Variants in MEGF11 observed in about 807,000 individuals in gnomAD.
The protein encoded by MEGF11 is multiple epidermal growth factor-like domains protein 11.
A neutral mutation model predicts 146.6 loss-of-function variants in MEGF11; 126 were observed. The ratio of observed to expected loss-of-function variants is 0.86; its 90% CI spans 0.74 to 1.00. The LOEUF (loss-of-function observed/expected upper bound fraction) is 1.00, where lower values mean the gene tolerates loss of function less well. Ranked by LOEUF, MEGF11 falls within the 50% of genes least tolerant of loss-of-function variation. The pLI is 0.00. For synonymous variants in MEGF11, 532 were observed against 583.4 expected (o/e 0.91, Z 1.27); for missense variants, 1,509 against 1,521.2 (o/e 0.99, Z 0.13).
chr15:66,247,906 C>A (rs2092318281), intron 1 of MEGF11, among the ~76,000 whole-genome samples: 1 of 151,360 alleles, frequency 6.6e-6, no homozygotes, highest in Non-Finnish European at 1.5e-5. Flanking sequence ...CATGGTGGCG[C>A]GTGCCTGTAA....
At chr15:65,946,553 C>T (rs1226025524) in intron 10 of MEGF11, among the ~76,000 whole-genome samples, 4 of 152,116 alleles carry the variant, frequency 2.6e-5, no homozygotes, top group African/African-American at 9.7e-5. Flanking sequence ...CCACCATGCC[C>T]GGCTAATTTT....
intron 5 of MEGF11, among the ~76,000 whole-genome samples, chr15:66,004,755 G>T (rs2082470830): frequency 6.6e-6 from 1 of 152,160 alleles, no homozygotes; most frequent in Non-Finnish European, 1.5e-5. Context: ...GTGGGTGAAG[G>T]TTGGACTCTG....
intron 1 of MEGF11, among the ~76,000 whole-genome samples, chr15:66,201,026 T>C (rs1159785976): frequency 6.6e-6 from 1 of 151,914 alleles, no homozygotes; most frequent in Non-Finnish European, 1.5e-5. Flanking sequence ...ATTCAGAAGG[T>C]AGGGTGGCGA....
intron 1 of MEGF11, among the ~76,000 whole-genome samples, chr15:66,182,893 C>G (rs1173838905): frequency 6.6e-6 from 1 of 152,136 alleles, no homozygotes; most frequent in African/African-American, 2.4e-5. Context: ...TGGAGAGAAG[C>G]TGGAAACATC....
intron 5 of MEGF11, among the ~76,000 whole-genome samples, chr15:66,037,113 C>T (rs879549737): frequency 1.3e-5 from 2 of 152,208 alleles, no homozygotes; most frequent in African/African-American, 2.4e-5. Context: ...GTGGCAGCTC[C>T]GAGTGCTTGT....
chr15:66,145,444 C>T (rs764714522), intron 1 of MEGF11, among the ~76,000 whole-genome samples: 24 of 152,070 alleles, frequency 1.6e-4, no homozygotes, highest in Non-Finnish European at 2.8e-4. Context: ...GCCAGCAGCT[C>T]GGACATTAAT....
At position 66,057,769 on chromosome 15, in the gene MEGF11, C is replaced by G. The variant is rs569569970; in HGVS notation, c.394+36633G>C. Reference sequence around the variant, plus strand: ...ATTATGTTTAGGCTCACTGACATTTCATCATAAAAAAGGAAACAAACTAGG... The same window carrying G: ...ATTATGTTTAGGCTCACTGACATTTGATCATAAAAAAGGAAACAAACTAGG... On this transcript the variant is annotated intron_variant, in intron 5 of 25. Transcript: ENST00000395614. Among the ~76,000 whole-genome samples the G allele has an allele frequency of 3.3e-5, 5 of 152,218 alleles. No homozygotes were observed. The East Asian group carries it at 9.7e-4, about 29-fold the overall frequency.
Position 65,987,798 on chromosome 15 carries a change from C to T in MEGF11, c.395-5310G>A, listed in dbSNP as rs148555207. On this transcript the variant is annotated intron_variant, in intron 5 of 25. Transcript: ENST00000395614. ...CGATCTTGGCTCACTGCAACCTCCA[C>T]CTCCTGGGTTCAAAGGATTCTCCTG... Among the ~76,000 whole-genome samples, 994 of 146,474 alleles carry T rather than the reference C, an allele frequency of 6.8e-3. 5 individuals carry two copies. Among genetic ancestry groups the T allele is most frequent in the Non-Finnish European group, 0.011 (759 of 66,412 alleles).
intron 5 of MEGF11, among the ~76,000 whole-genome samples, chr15:66,036,239 GT>G (rs1461275672): frequency 1.3e-5 from 2 of 152,226 alleles, no homozygotes; most frequent in Admixed American, 1.3e-4. Context: ...GCCCACAGCA[GT>G]GACCTACTCA....
At position 66,205,638 on chromosome 15, in the gene MEGF11, C is replaced by T. The variant is rs564963582; in HGVS notation, c.-9+47967G>A. On this transcript the variant is annotated intron_variant, in intron 1 of 25. Coordinates refer to ENST00000395614, the MANE Select transcript of MEGF11 (RefSeq NM_001385028.1). ...ACCTTCTCCAGCTAGTAACAAACTGCCCCCTGCAGTGTCAGTGGAGACCAT... is the reference window on the plus strand; with the variant it reads ...ACCTTCTCCAGCTAGTAACAAACTGTCCCCTGCAGTGTCAGTGGAGACCAT... 3.3e-5 allele frequency among the ~76,000 whole-genome samples: 5 copies of T among 152,292 alleles called. No individual in the cohort carries two copies. The South Asian group carries it at 1.0e-3, about 32-fold the overall frequency.
intron 8 of MEGF11, among the ~76,000 whole-genome samples, chr15:65,966,399 C>T (rs989997443): frequency 1.3e-5 from 2 of 152,206 alleles, no homozygotes; most frequent in Non-Finnish European, 1.5e-5. Context: ...AACAGTGATG[C>T]ATCTTACGAT....
chr15:65,905,978 G>A, intron 24 of MEGF11, 107 bp downstream of exon 24: 1 of 888,116 alleles, frequency 1.1e-6, no homozygotes, highest in Non-Finnish European at 1.8e-6. Context: ...TTCTGTGGGG[G>A]GCAGGCACAC....
chr15:66,160,664 G>GACAC (rs3221608), intron 1 of MEGF11, among the ~76,000 whole-genome samples: 47,335 of 137,280 alleles, frequency 0.34, 8,094 homozygotes, highest in East Asian at 0.58. Context: ...GCCCTAAGGG[G>GACAC]ACACACACAC....
At chr15:66,029,790 C>G (rs536501328) in intron 5 of MEGF11, among the ~76,000 whole-genome samples, 6 of 152,308 alleles carry the variant, frequency 3.9e-5, no homozygotes, top group African/African-American at 1.2e-4. Flanking sequence ...CCAACATCAA[C>G]GCCCCTCCTG....
chr15:65,926,264 T>C lies in MEGF11; in HGVS notation c.1675+2161A>G, dbSNP rs115384995. On this transcript the variant is annotated intron_variant, in intron 13 of 25. Transcript: ENST00000395614. The stretch of plus-strand genomic sequence containing the variant: ...GAGTCTTTCATCCTATTGGCCCTAA[T>C]GTCCTGAGACCCCAGACAACTCCTT... Among the ~76,000 whole-genome samples, 975 of 152,354 alleles carry C rather than the reference T, an allele frequency of 6.4e-3. 8 individuals carry two copies. Among genetic ancestry groups the C allele is most frequent in the African/African-American group, 0.023 (943 of 41,564 alleles).
intron 5 of MEGF11, among the ~76,000 whole-genome samples, chr15:66,047,230 A>G (rs1018688941): frequency 6.6e-6 from 1 of 152,238 alleles, no homozygotes; most frequent in Non-Finnish European, 1.5e-5. Context: ...TGTCAATAGC[A>G]TGGCATAGTG....
chr15:66,041,809 C>T (rs919099095), intron 5 of MEGF11, among the ~76,000 whole-genome samples: 1 of 152,208 alleles, frequency 6.6e-6, no homozygotes, highest in East Asian at 1.9e-4. Flanking sequence ...AATATCATCA[C>T]TCCCATTTTA....
chr15:65,993,239 A>G (rs1289881179), intron 5 of MEGF11, among the ~76,000 whole-genome samples: 3 of 152,110 alleles, frequency 2.0e-5, no homozygotes, highest in Non-Finnish European at 4.4e-5. Context: ...CTTTCACCTT[A>G]TACCATACAG....
At chr15:65,898,988 A>G (rs2078425879) in intron 24 of MEGF11, 54 bp from the exon 25 acceptor site, 1 of 1,577,136 alleles carries the variant, frequency 6.3e-7, no homozygotes, top group African/African-American at 1.4e-5. Flanking sequence ...TCTTCATGTT[A>G]ATATCAGAAG....
Sources: gnomAD v4.1 joint callset for allele counts (sites outside exome capture counted in the v4.1 genomes callset) on GRCh38, gnomAD v4.1.1 for gene constraint, MANE v1.5 for transcripts, NCBI Gene and HGNC (gene_info 2026-07-23, HGNC 2026-07-21) for gene names.